SLC8A1: variants seen among roughly 807,000 people sequenced by gnomAD.
SLC8A1 encodes the protein solute carrier family 8 member A1, also known as sodium/calcium exchanger 1.
A neutral mutation model predicts 68.3 loss-of-function variants in SLC8A1; 18 were observed. The observed-to-expected ratio is 0.26, with a 90% confidence interval of 0.18 to 0.39. The LOEUF is 0.39. SLC8A1 is among the 10% of genes least tolerant of loss of function. The probability of loss-of-function intolerance (pLI) is 1.00; values close to 1 mark genes in which losing one functional copy is unlikely to be tolerated. For missense variants in SLC8A1, 985 were observed against 1,156.7 expected, an observed-to-expected ratio of 0.85 and a Z score of 2.15; for synonymous variants, 475 against 415.5, an observed-to-expected ratio of 1.14 and a Z score of -1.74.
intron 6 of SLC8A1, among the ~76,000 whole-genome samples, chr2:40,146,669 C>T (rs1296468433): frequency 1.3e-5 from 2 of 151,654 alleles, no homozygotes; most frequent in Non-Finnish European, 2.9e-5. Context: ...ATTAGAGTCT[C>T]ATAAGGAATG....
intron 1 of SLC8A1, among the ~76,000 whole-genome samples, chr2:40,501,531 T>C (rs1319076089): frequency 2.0e-5 from 3 of 152,156 alleles, no homozygotes; most frequent in Non-Finnish European, 2.9e-5. Flanking sequence ...TTTTGATGAA[T>C]ATGGATGCAA....
chr2:40,342,516 T>C lies in SLC8A1; in HGVS notation c.1808+85957A>G, dbSNP rs535127139. Among the ~76,000 whole-genome samples the C allele has an allele frequency of 3.9e-5, 6 of 152,152 alleles. No individual in the cohort carries two copies. In the South Asian group the frequency reaches 6.2e-4, roughly 16 times the overall value. The stretch of plus-strand genomic sequence containing the variant: ...AGTAAAAAGTAAATGGGAAGAAAGA[T>C]GGACGAGTAAGTAGTTAGAAACAAA... On this transcript the variant is annotated intron_variant, in intron 2 of 7. Coordinates refer to ENST00000406785, the Ensembl canonical transcript of SLC8A1.
At chr2:40,478,271 A>G (rs1265524054) in intron 1 of SLC8A1, among the ~76,000 whole-genome samples, 1 of 152,176 alleles carries the variant, frequency 6.6e-6, no homozygotes, top group Non-Finnish European at 1.5e-5. Flanking sequence ...CTGAAAAACC[A>G]AACAAGTTAC....
At chr2:40,126,323 G>T (rs1212757856) in intron 7 of SLC8A1, among the ~76,000 whole-genome samples, 1 of 152,186 alleles carries the variant, frequency 6.6e-6, no homozygotes, top group Non-Finnish European at 1.5e-5. Context: ...ATGTGTGTGT[G>T]TTAAATGCAA....
intron 2 of SLC8A1, among the ~76,000 whole-genome samples, chr2:40,271,489 C>A (rs1290463860): frequency 6.6e-6 from 1 of 152,210 alleles, no homozygotes; most frequent in East Asian, 1.9e-4. Flanking sequence ...CTTTCTTTCA[C>A]TCTCTACCCC....
chr2:40,237,530 CT>C (rs2060564230), intron 2 of SLC8A1, among the ~76,000 whole-genome samples: 1 of 151,706 alleles, frequency 6.6e-6, no homozygotes, highest in Non-Finnish European at 1.5e-5. Flanking sequence ...AAGTTTTCAA[CT>C]TCTTTGCCTT....
chr2:40,131,905 A>G (rs2039450893), intron 7 of SLC8A1, among the ~76,000 whole-genome samples: 1 of 132,384 alleles, frequency 7.6e-6, no homozygotes, highest in South Asian at 2.4e-4. Flanking sequence ...TCAGAACTGA[A>G]CATCTTTCAG....
intron 2 of SLC8A1, among the ~76,000 whole-genome samples, chr2:40,312,428 C>T (rs984167800): frequency 3.3e-5 from 5 of 151,986 alleles, no homozygotes; most frequent in Admixed American, 6.6e-5. Context: ...GTCCAGGAAA[C>T]TTCATCCTGT....
chr2:40,164,993 CG>C lies in SLC8A1; in HGVS notation c.1931-10del. The stretch of plus-strand genomic sequence containing the variant: ...CTTGTCATCATATTCGTCTGTGAAA[CG>C]GAAGTATCAGAGAGTGAGCACTGTG... On this transcript the variant is annotated splice_polypyrimidine_tract_variant and intron_variant, in intron 4 of 7. Coordinates refer to ENST00000406785, the Ensembl canonical transcript of SLC8A1. 2 of 1,613,578 alleles carry C rather than the reference CG, an allele frequency of 1.2e-6. No homozygotes were observed. The highest frequency in any genetic ancestry group is 1.7e-6 in the Non-Finnish European group (2 of 1,179,768).
At chr2:40,407,606 C>T (rs1320341537) in intron 2 of SLC8A1, among the ~76,000 whole-genome samples, 1 of 152,182 alleles carries the variant, frequency 6.6e-6, no homozygotes, top group East Asian at 1.9e-4. Flanking sequence ...AAGAATATCA[C>T]AGCTCTATAT....
intron 1 of SLC8A1, among the ~76,000 whole-genome samples, chr2:40,505,560 G>T (rs1031725421): frequency 3.3e-5 from 5 of 151,812 alleles, no homozygotes; most frequent in African/African-American, 7.2e-5. Flanking sequence ...CTCAATTCTA[G>T]GTGCTACGGA....
intron 2 of SLC8A1, among the ~76,000 whole-genome samples, chr2:40,317,008 T>C (rs1179251942): frequency 6.6e-6 from 1 of 152,066 alleles, no homozygotes; most frequent in Non-Finnish European, 1.5e-5. Flanking sequence ...TTTTCTACTT[T>C]GTTCACTCAT....
intron 1 of SLC8A1, among the ~76,000 whole-genome samples, chr2:40,430,887 T>A (rs1399000924): frequency 6.6e-6 from 1 of 152,178 alleles, no homozygotes; most frequent in African/African-American, 2.4e-5. Flanking sequence ...TTTCATGAAA[T>A]CATGTCCTAT....
chr2:40,221,065 CACA>C (rs1041016791), intron 2 of SLC8A1, among the ~76,000 whole-genome samples: 32 of 148,024 alleles, frequency 2.2e-4, no homozygotes, highest in South Asian at 4.2e-4. Flanking sequence ...CTGGCAGAGA[CACA>C]ACAACAACAA....
intron 2 of SLC8A1, among the ~76,000 whole-genome samples, chr2:40,417,436 T>C (rs1209542963): frequency 6.6e-6 from 1 of 152,170 alleles, no homozygotes; most frequent in Non-Finnish European, 1.5e-5. Context: ...TATTACAACA[T>C]TTTATTGGCT....
At chr2:40,245,181 T>C (rs2061698291) in intron 2 of SLC8A1, among the ~76,000 whole-genome samples, 1 of 117,996 alleles carries the variant, frequency 8.5e-6, no homozygotes, top group African/African-American at 3.7e-5. Context: ...CTCAGTCTTA[T>C]GGAAGTGGCA....
chr2:40,425,029 CTTAAT>C (rs1157379549), intron 2 of SLC8A1, among the ~76,000 whole-genome samples: 2 of 151,728 alleles, frequency 1.3e-5, no homozygotes, highest in African/African-American at 4.8e-5. Flanking sequence ...TTAGCATATT[CTTAAT>C]TTATTTTTTA....
At chr2:40,255,867 C>G (rs533835457) in intron 2 of SLC8A1, among the ~76,000 whole-genome samples, 1 of 152,146 alleles carries the variant, frequency 6.6e-6, no homozygotes, top group Non-Finnish European at 1.5e-5. Context: ...GCCCAAGAAA[C>G]TTCCACTAAA....
intron 2 of SLC8A1, among the ~76,000 whole-genome samples, chr2:40,273,817 A>G (rs145605900): frequency 6.6e-6 from 1 of 152,196 alleles, no homozygotes; most frequent in East Asian, 1.9e-4. Flanking sequence ...CTTGCACAAT[A>G]AAGAGGAGAA....
Sources: allele counts gnomAD v4.1 joint callset (sites outside exome capture counted in the v4.1 genomes callset), GRCh38; gene constraint gnomAD v4.1.1; transcripts MANE v1.5; gene names NCBI Gene and HGNC (gene_info 2026-07-23, HGNC 2026-07-21).